ZC4H2: variants seen among roughly 807,000 people sequenced by gnomAD.
The protein encoded by ZC4H2 is zinc finger C4H2-type containing, also known as zinc finger C4H2 domain-containing protein.
For synonymous variants in ZC4H2, 84 were observed against 66.3 expected (o/e 1.27, Z -1.30); for missense variants, 137 against 173.9 (o/e 0.79, Z 1.19).
At chrX:64,952,864 G>A (rs1483399979) in intron 1 of ZC4H2, among the ~76,000 whole-genome samples, 2 of 111,309 alleles carry the variant, frequency 1.8e-5, no homozygotes, top group African/African-American at 6.5e-5. Context: ...TCATTGCCAA[G>A]TCAACCCTAA....
At chrX:65,024,605 C>T (rs1484536039) in intron 1 of ZC4H2, among the ~76,000 whole-genome samples, 2 of 111,439 alleles carry the variant, frequency 1.8e-5, no homozygotes, top group Middle Eastern at 4.2e-3. Context: ...GTATGTTAAT[C>T]GCCACACTAT....
intron 4 of ZC4H2, 27 bp from the exon 5 acceptor site, chrX:64,917,923 G>T (rs772885423): frequency 3.4e-6 from 4 of 1,189,069 alleles, no homozygotes; most frequent in Non-Finnish European, 3.4e-6. Flanking sequence ...GAAAAAGAAA[G>T]TTAGTAGTCA....
upstream of ZC4H2, chrX:64,976,554 G>A (rs749845923): frequency 4.3e-6 from 2 of 465,283 alleles, no homozygotes; most frequent in African/African-American, 2.4e-5. Flanking sequence ...AAGCCCGGGG[G>A]CCTGTAGGAC....
At chrX:64,974,954 T>C (rs1278754888) in intron 1 of ZC4H2, among the ~76,000 whole-genome samples, 1 of 85,061 alleles carries the variant, frequency 1.2e-5, no homozygotes, top group African/African-American at 5.0e-5. Context: ...ACTTTCTAGC[T>C]AGCTTCTGAT....
chrX:65,000,403 G>C (rs1932513045), intron 1 of ZC4H2, among the ~76,000 whole-genome samples: 1 of 111,926 alleles, frequency 8.9e-6, no homozygotes, highest in Non-Finnish European at 1.9e-5. Context: ...ACAAAAAAAG[G>C]ACGTCCTGGC....
chrX:65,009,308 G>C (rs1414594362), intron 1 of ZC4H2, among the ~76,000 whole-genome samples: 2 of 110,820 alleles, frequency 1.8e-5, no homozygotes, highest in African/African-American at 6.6e-5. Flanking sequence ...GCTAAGACCT[G>C]AAATTGACCC....
chrX:65,021,087 ACACC>A (rs1388636245), intron 1 of ZC4H2, among the ~76,000 whole-genome samples: 2 of 110,730 alleles, frequency 1.8e-5, no homozygotes, highest in African/African-American at 3.3e-5. Flanking sequence ...GGAGATTTTA[ACACC>A]CCACTGTCAA....
At chrX:64,946,088 C>A (rs771307868) in intron 1 of ZC4H2, among the ~76,000 whole-genome samples, 2 of 110,573 alleles carry the variant, frequency 1.8e-5, no homozygotes, top group East Asian at 5.7e-4. Flanking sequence ...GAGGAGTGAA[C>A]AGTTCTCTCT....
At chrX:65,002,319 G>A (rs1298975150) in intron 1 of ZC4H2, among the ~76,000 whole-genome samples, 4 of 110,660 alleles carry the variant, frequency 3.6e-5, no homozygotes, top group Admixed American at 1.9e-4. Context: ...AACTGCCCCC[G>A]CCCAGCCAGC....
At chrX:64,951,892 T>C (rs1054626289) in intron 1 of ZC4H2, among the ~76,000 whole-genome samples, 1 of 111,673 alleles carries the variant, frequency 9.0e-6, no homozygotes, top group Non-Finnish European at 1.9e-5. Context: ...ATGTCCTGAA[T>C]GGTAATGCCT....
intron 1 of ZC4H2, among the ~76,000 whole-genome samples, chrX:65,013,219 A>T (rs1399296837): frequency 8.9e-6 from 1 of 112,007 alleles, no homozygotes; most frequent in African/African-American, 3.2e-5. Context: ...ACCCAGGGCA[A>T]TCAGGAAACA....
At chrX:64,937,239 A>G (rs1231236784) in intron 1 of ZC4H2, among the ~76,000 whole-genome samples, 1 of 111,558 alleles carries the variant, frequency 9.0e-6, no homozygotes, top group Non-Finnish European at 1.9e-5. Context: ...GGAGCTAACT[A>G]TTCTAAATAT....
At chrX:64,949,332 T>A (rs1407083986) in intron 1 of ZC4H2, among the ~76,000 whole-genome samples, 1 of 112,225 alleles carries the variant, frequency 8.9e-6, no homozygotes, top group Non-Finnish European at 1.9e-5. Flanking sequence ...TATCAATGAC[T>A]AACAGTTTTT....
intron 1 of ZC4H2, among the ~76,000 whole-genome samples, chrX:64,946,754 C>T (rs764874274): frequency 6.3e-5 from 7 of 111,787 alleles, no homozygotes; most frequent in South Asian, 3.8e-4. Flanking sequence ...TTTCACAGCA[C>T]AGGTAATGTG....
chrX:64,919,916 T>G, intron 3 of ZC4H2, 165 bp downstream of exon 3: 1 of 440,723 alleles, frequency 2.3e-6, no homozygotes, highest in Non-Finnish European at 3.6e-6. Flanking sequence ...TTGCCCAAGA[T>G]CACACAGTGA....
At chrX:65,019,784 C>A (rs1227392050) in intron 1 of ZC4H2, among the ~76,000 whole-genome samples, 1 of 111,697 alleles carries the variant, frequency 9.0e-6, no homozygotes. Context: ...AGCTAAGATC[C>A]TTGAAAAAAG....
intron 1 of ZC4H2, among the ~76,000 whole-genome samples, chrX:64,974,167 C>T (rs895777631): frequency 3.3e-4 from 37 of 112,163 alleles, no homozygotes; most frequent in African/African-American, 1.0e-3. Context: ...TTTTTTCCCT[C>T]TCTCTTCTCC....
intron 1 of ZC4H2, among the ~76,000 whole-genome samples, chrX:64,934,757 C>T (rs754101506): frequency 6.3e-5 from 7 of 111,680 alleles, no homozygotes; most frequent in African/African-American, 2.0e-4. Flanking sequence ...CTCCATCTCC[C>T]AGCCAAGGGA....
chrX:64,944,687 C>T (rs752896732), intron 1 of ZC4H2, among the ~76,000 whole-genome samples: 26 of 111,324 alleles, frequency 2.3e-4, no homozygotes, highest in African/African-American at 8.5e-4. Context: ...CAACTTGGTT[C>T]CATTCTCCCC....
Sources: allele counts gnomAD v4.1 joint callset (sites outside exome capture counted in the v4.1 genomes callset), GRCh38; gene constraint gnomAD v4.1.1; transcripts MANE v1.5; gene names NCBI Gene and HGNC (gene_info 2026-07-23, HGNC 2026-07-21).